The following PLCB4 variants were observed in gnomAD, a reference collection of about 807,000 sequenced individuals.
The protein encoded by PLCB4 is 1-phosphatidylinositol 4,5-bisphosphate phosphodiesterase beta-4.
PLCB4 carries 77 observed loss-of-function variants against 178.8 expected under a neutral mutation model. The observed-to-expected ratio is 0.43, with a 90% CI of 0.36 to 0.52. The LOEUF (loss-of-function observed/expected upper bound fraction) is 0.52, where lower values mean the gene tolerates loss of function less well. Among genes scored for constraint, PLCB4 ranks in the 20% least tolerant of loss-of-function variants. PLCB4 has a pLI of 0.00. For synonymous variants in PLCB4, 496 were observed against 490.8 expected (o/e 1.01, Z -0.14); for missense variants, 1,024 against 1,453.4 (o/e 0.70, Z 4.80).
At chr20:9,307,751 A>C in intron 3 of PLCB4, 49 bp from the exon 4 acceptor site, 1 of 810,418 alleles carries the variant, frequency 1.2e-6, no homozygotes, top group Non-Finnish European at 2.0e-6. Flanking sequence ...ACCATCCTCA[A>C]TTGTTTTTTC....
intron 32 of PLCB4, among the ~76,000 whole-genome samples, chr20:9,449,512 GGA>G (rs1446118514): frequency 6.6e-6 from 1 of 152,124 alleles, no homozygotes; most frequent in East Asian, 1.9e-4. Flanking sequence ...TCCTCTTAAA[GGA>G]GAGTCAAAAA....
At chr20:9,381,463 T>C (rs1459612947) in intron 13 of PLCB4, among the ~76,000 whole-genome samples, 1 of 152,202 alleles carries the variant, frequency 6.6e-6, no homozygotes, top group East Asian at 1.9e-4. Flanking sequence ...CAATAAGAAA[T>C]GTCCCCAGCC....
At chr20:9,461,704 G>A (rs2043406910) in intron 35 of PLCB4, among the ~76,000 whole-genome samples, 1 of 152,214 alleles carries the variant, frequency 6.6e-6, no homozygotes, top group Admixed American at 6.5e-5. Context: ...GGCTGGGGTA[G>A]GAGCGTCCAC....
intron 4 of PLCB4, among the ~76,000 whole-genome samples, chr20:9,319,222 A>AT (rs1398408236): frequency 1.3e-5 from 2 of 149,236 alleles, no homozygotes; most frequent in African/African-American, 2.5e-5. Context: ...GGGAGAAGAA[A>AT]TTTTTTTAAA....
chr20:9,121,923 G>A (rs376219231), intron 2 of PLCB4, among the ~76,000 whole-genome samples: 1 of 152,076 alleles, frequency 6.6e-6, no homozygotes, highest in Non-Finnish European at 1.5e-5. Context: ...TTTTCAAGTC[G>A]AATTATTACC....
intron 30 of PLCB4, among the ~76,000 whole-genome samples, chr20:9,442,592 A>G (rs546666528): frequency 6.6e-6 from 1 of 152,244 alleles, no homozygotes; most frequent in South Asian, 2.1e-4. Context: ...AATTTGCTAG[A>G]TCTCTGGAGG....
chr20:9,371,067 A>G (rs2036213563), intron 9 of PLCB4, 147 bp from the exon 10 acceptor site: 2 of 622,572 alleles, frequency 3.2e-6, no homozygotes, highest in Non-Finnish European at 5.8e-6. Flanking sequence ...AGTTTGGGAA[A>G]TGAAAAACAT....
At chr20:9,393,748 T>C (rs1199645195) in intron 18 of PLCB4, 70 bp downstream of exon 18, 22 of 1,055,674 alleles carry the variant, frequency 2.1e-5, no homozygotes, top group Non-Finnish European at 1.5e-6. Flanking sequence ...TGTTGAGAAT[T>C]CAATTTATTT....
At chr20:9,207,620 G>A (rs970761450) in intron 2 of PLCB4, among the ~76,000 whole-genome samples, 4 of 152,184 alleles carry the variant, frequency 2.6e-5, no homozygotes, top group East Asian at 3.9e-4. Flanking sequence ...GGATAGAATC[G>A]ATGGAAAAGG....
chr20:9,142,173 G>A (rs2092506120), intron 2 of PLCB4, among the ~76,000 whole-genome samples: 1 of 152,174 alleles, frequency 6.6e-6, no homozygotes, highest in Non-Finnish European at 1.5e-5. Context: ...CCTCCTGGGA[G>A]ATGTTGTGGT....
At chr20:9,304,042 G>A (rs1190291635) in intron 3 of PLCB4, among the ~76,000 whole-genome samples, 1 of 150,444 alleles carries the variant, frequency 6.6e-6, no homozygotes, top group Non-Finnish European at 1.5e-5. Context: ...CTTGCTCTAA[G>A]TACTTGCCAA....
At chr20:9,153,561 G>A (rs1385366593) in intron 2 of PLCB4, among the ~76,000 whole-genome samples, 1 of 152,146 alleles carries the variant, frequency 6.6e-6, no homozygotes, top group Non-Finnish European at 1.5e-5. Flanking sequence ...ATGTGGAACT[G>A]TAAGTCCAAT....
chr20:9,191,402 C>G (rs1184367534), intron 2 of PLCB4, among the ~76,000 whole-genome samples: 1 of 116,126 alleles, frequency 8.6e-6, no homozygotes, highest in African/African-American at 3.4e-5. Context: ...ACACAGTGTT[C>G]AAGGGGCCCT....
intron 3 of PLCB4, among the ~76,000 whole-genome samples, chr20:9,239,734 G>A (rs2094035650): frequency 6.6e-6 from 1 of 152,174 alleles, no homozygotes. Context: ...CCATCTGCAA[G>A]CTGAGGAGCA....
At chr20:9,401,378 T>C (rs1245616762) in intron 19 of PLCB4, 112 bp from the exon 20 acceptor site, 1 of 699,716 alleles carries the variant, frequency 1.4e-6, no homozygotes, top group Admixed American at 2.3e-5. Context: ...CCCATTTTCT[T>C]TTAGCATCCT....
intron 3 of PLCB4, among the ~76,000 whole-genome samples, chr20:9,231,313 G>T (rs1350431279): frequency 1.3e-5 from 2 of 152,134 alleles, no homozygotes; most frequent in Admixed American, 6.6e-5. Context: ...ATCTTGTGGG[G>T]TTAGGTCGTA....
At chr20:9,373,198 T>C (rs905130722) in intron 12 of PLCB4, 94 bp downstream of exon 12, 1 of 614,954 alleles carries the variant, frequency 1.6e-6, no homozygotes, top group African/African-American at 1.9e-5. Flanking sequence ...TATGCCCTTA[T>C]TCGCTTTGCT....
In PLCB4 at chr20:9,421,300, A is replaced by G. The variant is rs975186054; in HGVS notation, c.2158A>G (p.Ile720Val). 2.5e-6 allele frequency: 4 copies of G among 1,612,446 alleles called. No homozygotes were observed. The highest frequency in any genetic ancestry group is 2.2e-5 in the East Asian group (1 of 44,818). ...VIAATCSVQV[I>V]SGQFLSDKKI... ...GCTCTCGTTCGTGCTGCTACAGGTT[A>G]TATCAGGTCAATTCTTATCAGATAA... The change falls in exon 27 of 40, where the codon ATA becomes GTA. Residue 720 changes from isoleucine to valine, a missense_variant. This residue lies in a region of PLCB4 where 227 missense variants were observed against 374.3 expected (regional missense o/e 0.61). Coordinates refer to ENST00000378473, the MANE Select transcript of PLCB4 (RefSeq NM_001377142.1).
At chr20:9,441,846 GT>G (rs757465097) in intron 30 of PLCB4, among the ~76,000 whole-genome samples, 27 of 152,078 alleles carry the variant, frequency 1.8e-4, no homozygotes, top group Admixed American at 9.2e-4. Flanking sequence ...AGGTGGGGAG[GT>G]GTGAAATTCC....
Sources: gnomAD v4.1 joint callset for allele counts (sites outside exome capture counted in the v4.1 genomes callset) on GRCh38, gnomAD v4.1.1 for gene constraint, gnomAD v4.1.1 regional missense constraint, MANE v1.5 for transcripts, NCBI Gene and HGNC (gene_info 2026-07-23, HGNC 2026-07-21) for gene names.